Variants in ROBO2 observed in about 807,000 individuals in gnomAD.
ROBO2 encodes roundabout guidance receptor 2.
A neutral mutation model predicts 160.8 loss-of-function variants in ROBO2; 53 were observed. The ratio of observed to expected loss-of-function variants is 0.33; its 90% CI spans 0.26 to 0.41. The LOEUF (loss-of-function observed/expected upper bound fraction) is 0.41. Among genes scored for constraint, ROBO2 ranks in the 10% least tolerant of loss-of-function variants. ROBO2 has a pLI of 1.00. For missense variants in ROBO2, 1,577 were observed against 1,722.4 expected, an observed-to-expected ratio of 0.92 and a Z score of 1.49; for synonymous variants, 664 against 611.7, an observed-to-expected ratio of 1.09 and a Z score of -1.26.
intron 2 of ROBO2, among the ~76,000 whole-genome samples, chr3:76,688,650 GC>G (rs533054088): frequency 1.1e-4 from 16 of 151,286 alleles, no homozygotes; most frequent in Non-Finnish European, 2.2e-4. Context: ...CAAGAACAGC[GC>G]AGTCCTAGTC....
At chr3:77,343,652 A>T (rs2067310339) in intron 2 of ROBO2, among the ~76,000 whole-genome samples, 1 of 152,188 alleles carries the variant, frequency 6.6e-6, no homozygotes, top group Non-Finnish European at 1.5e-5. Flanking sequence ...GCAATGTGTC[A>T]AGTGCTTAAT....
chr3:77,521,782 C>T (rs1431763069), intron 5 of ROBO2, among the ~76,000 whole-genome samples: 2 of 151,178 alleles, frequency 1.3e-5, no homozygotes, highest in Non-Finnish European at 3.0e-5. Context: ...AAGTAGAAGA[C>T]ATCTGGTTAT....
Position 76,782,919 on chromosome 3 carries a change from G to C in ROBO2, c.110-315095G>C, listed in dbSNP as rs557366242. 3.3e-5 allele frequency among the ~76,000 whole-genome samples: 5 copies of C among 149,682 alleles called. No individual in the cohort carries two copies. In the South Asian group the frequency reaches 1.1e-3, roughly 32 times the overall value. On this transcript the variant is annotated intron_variant, in intron 2 of 26. Transcript: ENST00000487694. ...TACTATTGCCATTTTGTTAGTTTTGGGGTTTTTCTTTTTTACAATTTTGTA... is the reference window on the plus strand; with the variant it reads ...TACTATTGCCATTTTGTTAGTTTTGCGGTTTTTCTTTTTTACAATTTTGTA...
At chr3:76,798,383 T>C (rs1409080364) in intron 2 of ROBO2, among the ~76,000 whole-genome samples, 6 of 152,152 alleles carry the variant, frequency 3.9e-5, no homozygotes, top group Admixed American at 3.9e-4. Flanking sequence ...AACAAAATAC[T>C]AGCAAACTGA....
chr3:77,602,847 T>C (rs560030249), intron 20 of ROBO2: 1 of 467,494 alleles, frequency 2.1e-6, no homozygotes, highest in African/African-American at 2.0e-5. Context: ...AACATCTGCT[T>C]CTGAGTTGCT....
intron 2 of ROBO2, among the ~76,000 whole-genome samples, chr3:76,425,650 T>C (rs551950529): frequency 6.6e-6 from 1 of 152,230 alleles, no homozygotes; most frequent in East Asian, 1.9e-4. Flanking sequence ...TATTCTATGC[T>C]TAAAGTATCT....
At chr3:77,340,268 T>G (rs1172570903) in intron 2 of ROBO2, among the ~76,000 whole-genome samples, 2 of 152,148 alleles carry the variant, frequency 1.3e-5, no homozygotes, top group Non-Finnish European at 2.9e-5. Flanking sequence ...GGTGGTTTAC[T>G]AGCAATAGAA....
intron 2 of ROBO2, among the ~76,000 whole-genome samples, chr3:76,875,278 C>A (rs1340360417): frequency 6.6e-6 from 1 of 152,144 alleles, no homozygotes; most frequent in Non-Finnish European, 1.5e-5. Flanking sequence ...GCTTCCCAGC[C>A]CCCAGAACTG....
intron 2 of ROBO2, among the ~76,000 whole-genome samples, chr3:76,698,622 G>C (rs921345238): frequency 2.0e-5 from 3 of 152,182 alleles, no homozygotes; most frequent in African/African-American, 7.2e-5. Context: ...CTGGTTGAAA[G>C]TGCTGTGTTC....
At chr3:77,403,484 C>G (rs1253759491) in intron 2 of ROBO2, among the ~76,000 whole-genome samples, 1 of 151,896 alleles carries the variant, frequency 6.6e-6, no homozygotes, top group Non-Finnish European at 1.5e-5. Context: ...AGTCTGGCTT[C>G]TTTCACTTAA....
intron 2 of ROBO2, among the ~76,000 whole-genome samples, chr3:76,323,658 T>C (rs1474172070): frequency 2.6e-5 from 4 of 152,230 alleles, no homozygotes; most frequent in African/African-American, 7.2e-5. Flanking sequence ...AAACTTGGAA[T>C]TGAATGAGCC....
Position 77,568,336 on chromosome 3 carries a change from G to T in ROBO2, c.1873G>T (p.Val625Leu), listed in dbSNP as rs756545358. The change falls in exon 13 of 26, where the codon GTG becomes TTG. Residue 625 changes from valine (V) to leucine (L), a missense_variant. This residue lies in a region of ROBO2 where 940 missense variants were observed against 1,135.5 expected (regional missense o/e 0.83). Transcript: ENST00000461745. ...AGATATCAGCCCACCAGCACAAGGAGTGGACCACAGGCAAGTGCAGAAAGA... is the reference window on the plus strand; with the variant it reads ...AGATATCAGCCCACCAGCACAAGGATTGGACCACAGGCAAGTGCAGAAAGA... 2.5e-6 allele frequency: 4 copies of T among 1,612,834 alleles called. No individual in the cohort carries two copies. The Admixed American group carries it at 6.7e-5, about 27-fold the overall frequency.
At chr3:77,181,086 A>C (rs1450634759) in intron 2 of ROBO2, among the ~76,000 whole-genome samples, 1 of 152,140 alleles carries the variant, frequency 6.6e-6, no homozygotes, top group Non-Finnish European at 1.5e-5. Flanking sequence ...TAAGGGCAGC[A>C]TTTAAAAATA....
In ROBO2 at chr3:76,098,308, G is replaced by A. The variant is rs12487309; in HGVS notation, c.109+160706G>A. On this transcript the variant is annotated intron_variant, in intron 2 of 26. Coordinates refer to the ROBO2 transcript ENST00000487694. ...TTTCTATAGAGAACATCATTGGTGAGGTATGTAAATTTTCAAAAATACAAA... is the reference window on the plus strand; with the variant it reads ...TTTCTATAGAGAACATCATTGGTGAAGTATGTAAATTTTCAAAAATACAAA... Among the ~76,000 whole-genome samples, 1,038 of 152,116 alleles carry A rather than the reference G, an allele frequency of 6.8e-3. 12 individuals are homozygous for A. Among genetic ancestry groups the A allele is most frequent in the Middle Eastern group, 0.042 (12 of 286 alleles).
At chr3:76,289,021 T>C (rs973410295) in intron 2 of ROBO2, among the ~76,000 whole-genome samples, 1 of 152,194 alleles carries the variant, frequency 6.6e-6, no homozygotes, top group African/African-American at 2.4e-5. Context: ...TGTAACAGAA[T>C]TGCTGGGTAA....
At chr3:77,196,842 G>C (rs1441949) in intron 2 of ROBO2, among the ~76,000 whole-genome samples, 25,064 of 151,788 alleles carry the variant, frequency 0.17, 2,426 homozygotes, top group Middle Eastern at 0.27. Flanking sequence ...GTAGGAAATA[G>C]ATTTAACTGA....
chr3:77,011,414 C>A (rs538621747), intron 2 of ROBO2, among the ~76,000 whole-genome samples: 1 of 152,126 alleles, frequency 6.6e-6, no homozygotes, highest in Admixed American at 6.5e-5. Flanking sequence ...CAAGTATCTT[C>A]AGCTTATTAC....
intron 5 of ROBO2, among the ~76,000 whole-genome samples, chr3:77,514,836 C>T (rs981127964): frequency 2.6e-5 from 4 of 151,664 alleles, no homozygotes; most frequent in African/African-American, 9.7e-5. Context: ...AATAAGGCCA[C>T]ATCTGTTAGA....
intron 2 of ROBO2, among the ~76,000 whole-genome samples, chr3:77,361,545 T>A (rs2069991652): frequency 6.6e-6 from 1 of 152,250 alleles, no homozygotes; most frequent in Non-Finnish European, 1.5e-5. Flanking sequence ...TGCTGGGACC[T>A]CCAAGATCAA....
Sources: allele counts gnomAD v4.1 joint callset (sites outside exome capture counted in the v4.1 genomes callset), GRCh38; gene constraint gnomAD v4.1.1; regional missense constraint gnomAD v4.1.1; transcripts MANE v1.5; gene names NCBI Gene and HGNC (gene_info 2026-07-23, HGNC 2026-07-21).